PGAP3: variants seen among roughly 807,000 people sequenced by gnomAD.
PGAP3 encodes the protein GPI-specific phospholipase A2-like PGAP3.
PGAP3 carries 31 observed loss-of-function variants against 40.3 expected under a neutral mutation model. The ratio of observed to expected loss-of-function variants is 0.77; its 90% CI spans 0.58 to 1.04. The LOEUF (loss-of-function observed/expected upper bound fraction) is 1.04. PGAP3 is among the 50% of genes least tolerant of loss of function. The pLI is 0.00. For synonymous variants in PGAP3, 191 were observed against 184.5 expected (o/e 1.04, Z -0.29); for missense variants, 413 against 423.0 (o/e 0.98, Z 0.21).
In PGAP3 at chr17:39,687,963, C is replaced by T. The variant is rs1489433527; in HGVS notation, c.52G>A (p.Ala18Thr). The change falls in exon 1 of 8, where the codon GCG becomes ACG. Residue 18 changes from alanine (A) to threonine (T), a missense_variant. Physicochemically the swap from Ala to Thr is moderately conservative, Grantham distance 58 (BLOSUM62 0). Transcript: ENST00000300658. Reference sequence around the variant, plus strand: ...TCACGGTCGCCCTGGGAGCCGCTCGCCAGCGCCGCTGCCCCAGCTAGCAGG... The same window carrying T: ...TCACGGTCGCCCTGGGAGCCGCTCGTCAGCGCCGCTGCCCCAGCTAGCAGG... ...LVLLAGAAAL[A>T]SGSQGDREPV... is the part of the protein sequence containing the mutation. 4 of 1,472,024 alleles carry T rather than the reference C, an allele frequency of 2.7e-6. No homozygotes were observed. The highest frequency in any genetic ancestry group is 1.4e-5 in the African/African-American group (1 of 70,232). 91.2% of individuals were successfully genotyped at this position (1,472,024 alleles called of 1,614,324 possible).
intron 3 of PGAP3, 36 bp downstream of exon 3, chr17:39,684,561 A>G: frequency 1.9e-6 from 3 of 1,576,328 alleles, no homozygotes; most frequent in Non-Finnish European, 1.7e-6. Context: ...CTTCCTAGAT[A>G]AGAGGAGACA....
intron 3 of PGAP3, 82 bp downstream of exon 3, chr17:39,684,508 AGTAGAAG>A: frequency 7.1e-7 from 1 of 1,403,364 alleles, no homozygotes; most frequent in Non-Finnish European, 9.6e-7. Flanking sequence ...GAAGCTGGTA[AGTAGAAG>A]CCCTGTTGGG....
chr17:39,682,760 A>C (rs1293638107), intron 3 of PGAP3, among the ~76,000 whole-genome samples: 1 of 152,058 alleles, frequency 6.6e-6, no homozygotes, highest in African/African-American at 2.4e-5. Context: ...TCATGAAACA[A>C]CTTTTCTCCT....
rs3152 is a variant in PGAP3, at chr17:39,671,417, G to A, written c.*1386C>T. ...TGGCAGGGGTCACCTTTACCAGGGC[G>A]CAGGCATAGTGTGGCCCCTGCCTGC... On this transcript the variant is annotated 3_prime_UTR_variant, in exon 8 of 8. Transcript: ENST00000300658. The A allele has an allele frequency of 0.07, 10,704 of 152,348 alleles. 551 individuals carry two copies. Among genetic ancestry groups the A allele is most frequent in the Non-Finnish European group, 0.09 (6,149 of 68,016 alleles). The allele number at this position is 152,348 out of a possible 1,614,324, so 9.4% of individuals were successfully genotyped here.
Position 39,673,240 on chromosome 17 carries a change from A to C in PGAP3, c.710T>G (p.Val237Gly). 6.4e-7 allele frequency: 1 copy of C among 1,559,940 alleles called. No individual in the cohort carries two copies. The highest frequency in any genetic ancestry group is 8.7e-7 in the Non-Finnish European group (1 of 1,152,056). ...ANVAIGLVNV[V>G]WWLAWCLWNQ... ...CCACAGGCACCAGGCCAGCCACCAC[A>C]CCACGTTGACCAGGCCTGGGTGCCA... The change falls in exon 7 of 8, where the codon GTG becomes GGG. Residue 237 changes from valine (V) to glycine (G), a missense_variant. Coordinates refer to ENST00000300658, the MANE Select transcript of PGAP3 (RefSeq NM_033419.5).
rs192422827 is a variant in PGAP3, at chr17:39,685,808, A to G, written c.279+114T>C. On this transcript the variant is annotated intron_variant, in intron 2 of 7. Transcript: ENST00000300658. The stretch of plus-strand genomic sequence containing the variant: ...TTTGGGGAGAACAGGTAGCTGCCCC[A>G]AACACACACGCATTACCCCATGCCT... The G allele has an allele frequency of 3.6e-5, 33 of 929,432 alleles. No homozygotes were observed. The East Asian group carries it at 9.2e-4, about 26-fold the overall frequency. The allele number at this position is 929,432 out of a possible 1,614,324, so 57.6% of individuals were successfully genotyped here. A position where few individuals can be genotyped will look rare whatever the true frequency, so the allele number is the denominator to read the frequency against.
chr17:39,673,498 C>G lies in PGAP3; in HGVS notation c.694+16G>C. 1.2e-6 allele frequency: 2 copies of G among 1,613,804 alleles called. No homozygotes were observed. The highest frequency in any genetic ancestry group is 1.7e-6 in the Non-Finnish European group (2 of 1,179,840). On this transcript the variant is annotated intron_variant, in intron 6 of 7. Transcript: ENST00000300658. ...CTAGCACTTCTGCAGATGGCCCAAGCCCCCCAGGGCCTCACCAATAGCCAC... is the reference window on the plus strand; with the variant it reads ...CTAGCACTTCTGCAGATGGCCCAAGGCCCCCAGGGCCTCACCAATAGCCAC...
chr17:39,682,903 C>A (rs2057460878), intron 3 of PGAP3, among the ~76,000 whole-genome samples: 1 of 151,886 alleles, frequency 6.6e-6, no homozygotes, highest in Non-Finnish European at 1.5e-5. Context: ...ATAGTGAAAC[C>A]CCATCTCTAC....
intron 7 of PGAP3, 89 bp from the exon 8 acceptor site, chr17:39,672,955 G>C: frequency 6.3e-7 from 1 of 1,576,634 alleles, no homozygotes; most frequent in Non-Finnish European, 8.7e-7. Context: ...CAAGGTGGGA[G>C]GGGGCGGATG....
rs1156621758 is a variant in PGAP3 at position 39,671,800 on chromosome 17, G to C, written c.*1003C>G. The C allele has an allele frequency of 6.6e-6, 1 of 152,450 alleles. No individual in the cohort carries two copies. The highest frequency in any genetic ancestry group is 2.4e-5 in the African/African-American group (1 of 41,444). 9.4% of individuals were successfully genotyped at this position (152,450 alleles called of 1,614,324 possible). A position where few individuals can be genotyped will look rare whatever the true frequency, so the allele number is the denominator to read the frequency against. The stretch of plus-strand genomic sequence containing the variant: ...GCAGCCTGGCCATGGAGAGCTCCTG[G>C]CTGTCCGCCCAGGTGGCGCCTTGGG... On this transcript the variant is annotated 3_prime_UTR_variant, in exon 8 of 8. Transcript: ENST00000300658.
At chr17:39,673,295 C>A in intron 6 of PGAP3, 40 bp from the exon 7 acceptor site, 1 of 1,554,638 alleles carries the variant, frequency 6.4e-7, no homozygotes, top group Non-Finnish European at 8.7e-7. Context: ...ATTCCTTCGG[C>A]TCCTTCTCCC....
At chr17:39,685,445 T>A (rs1379161145) in intron 2 of PGAP3, among the ~76,000 whole-genome samples, 1 of 149,566 alleles carries the variant, frequency 6.7e-6, no homozygotes, top group African/African-American at 2.5e-5. Context: ...TGAGCCAAGA[T>A]CATGCCACTG....
rs188338625 is a variant in PGAP3, at chr17:39,675,236, C to T, written c.433-557G>A. 2.8e-4 allele frequency among the ~76,000 whole-genome samples: 42 copies of T among 152,156 alleles called. 1 individual carries two copies. The East Asian group carries it at 8.1e-3, about 29-fold the overall frequency. On this transcript the variant is annotated intron_variant, in intron 3 of 7. Coordinates refer to ENST00000300658, the MANE Select transcript of PGAP3 (RefSeq NM_033419.5). ...CCAGCTTCCTCCTGGCTGGGCCTGC[C>T]CAACCCGCCAGACCAGTGGCTGCTC...
intron 3 of PGAP3, among the ~76,000 whole-genome samples, chr17:39,680,954 C>T (rs1338642308): frequency 6.6e-6 from 1 of 152,106 alleles, no homozygotes; most frequent in Non-Finnish European, 1.5e-5. Flanking sequence ...GCCTCGACCT[C>T]CTGGGCTCAA....
chr17:39,680,852 A>T (rs1232120215), intron 3 of PGAP3, among the ~76,000 whole-genome samples: 1 of 149,126 alleles, frequency 6.7e-6, no homozygotes, highest in Non-Finnish European at 1.5e-5. Flanking sequence ...CACAGCTTCT[A>T]TCACTGTCTT....
At chr17:39,685,328 A>T (rs1444574761) in intron 2 of PGAP3, among the ~76,000 whole-genome samples, 1 of 150,876 alleles carries the variant, frequency 6.6e-6, no homozygotes, top group Non-Finnish European at 1.5e-5. Flanking sequence ...AAAAAAAAAA[A>T]AAAAATACAA....
chr17:39,672,293 C>T lies in PGAP3; in HGVS notation c.*510G>A. 6.0e-6 allele frequency: 1 copy of T among 166,064 alleles called. No homozygotes were observed. Among genetic ancestry groups the T allele is most frequent in the Non-Finnish European group, 1.3e-5 (1 of 76,248 alleles). 10.3% of individuals were successfully genotyped at this position (166,064 alleles called of 1,614,324 possible). Reference sequence around the variant, plus strand: ...TCCCAGCAGCTTGGTCCCTCAAGATCCCATGGGGAGAATCGCCGTGAACCT... The same window carrying T: ...TCCCAGCAGCTTGGTCCCTCAAGATTCCATGGGGAGAATCGCCGTGAACCT... On this transcript the variant is annotated 3_prime_UTR_variant, in exon 8 of 8. Coordinates refer to ENST00000300658, the MANE Select transcript of PGAP3 (RefSeq NM_033419.5).
intron 3 of PGAP3, chr17:39,676,676 C>T (rs1183911630): frequency 6.6e-6 from 1 of 152,222 alleles, no homozygotes; most frequent in African/African-American, 2.4e-5. Flanking sequence ...GCCAGACTGC[C>T]AGGGTTCAGT....
chr17:39,673,559 T>C lies in PGAP3; in HGVS notation c.649A>G (p.Ile217Val). 7 of 1,614,022 alleles carry C rather than the reference T, an allele frequency of 4.3e-6. No individual in the cohort carries two copies. The highest frequency in any genetic ancestry group is 5.9e-6 in the Non-Finnish European group (7 of 1,179,984). The change falls in exon 6 of 8, where the codon ATC (isoleucine) becomes GTC (valine). Residue 217 changes from isoleucine to valine, a missense_variant. Ile to Val is a conservative substitution (Grantham distance 29). Transcript: ENST00000300658. ...LTVHVSYLSL[I>V]RFDYGYNLVA... ...AGGTTGTAGCCATAGTCGAAGCGGA[T>C]GAGGCTCAGGTAGGAGACGTGCACG...
Sources: gnomAD v4.1 joint callset for allele counts (sites outside exome capture counted in the v4.1 genomes callset) on GRCh38, gnomAD v4.1.1 for gene constraint, MANE v1.5 for transcripts, NCBI Gene and HGNC (gene_info 2026-07-23, HGNC 2026-07-21) for gene names.